The following UNC5A variants were observed in gnomAD, a reference collection of about 807,000 sequenced individuals.
UNC5A encodes unc-5 netrin receptor A.
UNC5A carries 20 observed loss-of-function variants against 87.4 expected under a neutral mutation model. That is an observed-to-expected ratio of 0.23 (90% CI 0.16 to 0.33). The LOEUF (loss-of-function observed/expected upper bound fraction) is 0.33. Among genes scored for constraint, UNC5A ranks in the 10% least tolerant of loss-of-function variants. The probability of loss-of-function intolerance (pLI) is 1.00; values close to 1 mark genes in which losing one functional copy is unlikely to be tolerated. For missense variants in UNC5A, 844 were observed against 1,133.4 expected (o/e 0.74, Z 3.67); for synonymous variants, 438 against 482.3 (o/e 0.91, Z 1.20).
Position 176,874,131 on chromosome 5 carries a change from C to T in UNC5A, c.1050C>T (p.Pro350=), listed in dbSNP as rs766132113. The change falls in exon 7 of 15, where the codon CCC becomes CCT. Residue 350 remains proline (P), a synonymous_variant. Transcript: ENST00000329542. The surrounding 1 kb of genome is among the most constrained non-coding windows in gnomAD (Gnocchi z 7.6). Reference sequence around the variant, plus strand: ...CCATTCTCACCTCAGGCTTCCAGCCCGTCAGCATCAAGCCCAGCAAAGCAG... The same window carrying T: ...CCATTCTCACCTCAGGCTTCCAGCCTGTCAGCATCAAGCCCAGCAAAGCAG... ...DSSILTSGFQ[P]VSIKPSKADN... 4.5e-5 allele frequency: 72 copies of T among 1,613,830 alleles called. No homozygotes were observed. The Admixed American group carries it at 4.5e-4, about 10-fold the overall frequency.
chr5:176,818,027 C>G (rs919733802), intron 1 of UNC5A, among the ~76,000 whole-genome samples: 2 of 152,014 alleles, frequency 1.3e-5, no homozygotes, highest in Admixed American at 6.5e-5. Context: ...GCTGCCGCCC[C>G]GGGAGCGGGC....
In UNC5A at chr5:176,844,127, C is replaced by T. The variant is rs562063568; in HGVS notation, c.71-18497C>T. On this transcript the variant is annotated intron_variant, in intron 1 of 14. Coordinates refer to ENST00000329542, the MANE Select transcript of UNC5A (RefSeq NM_133369.3). This position sits in a 1 kb window ranked among gnomAD's most constrained non-coding sequence, Gnocchi z 4.2. The stretch of plus-strand genomic sequence containing the variant: ...AACGAGTGGAGGGCTGGAGAGAGTT[C>T]AGCAAACGGGGCTTTTTGAATAAAA... Among the ~76,000 whole-genome samples the T allele has an allele frequency of 2.0e-5, 3 of 152,302 alleles. No homozygotes were observed. Among genetic ancestry groups the T allele is most frequent in the Admixed American group, 1.3e-4 (2 of 15,308 alleles).
chr5:176,868,003 TA>T (rs374478662), intron 2 of UNC5A, 126 bp from the exon 3 acceptor site: 17,208 of 557,826 alleles, frequency 0.031, no homozygotes, highest in Non-Finnish European at 0.034. Flanking sequence ...TAATAAAATT[TA>T]AAAAAAAAAA....
chr5:176,816,457 G>A (rs369555296), intron 1 of UNC5A, among the ~76,000 whole-genome samples: 70 of 152,360 alleles, frequency 4.6e-4, no homozygotes, highest in African/African-American at 8.9e-4. Context: ...TGTCAGGTGC[G>A]ACAGGCAGCT....
intron 6 of UNC5A, among the ~76,000 whole-genome samples, chr5:176,871,786 A>C (rs1703261): frequency 5.3e-3 from 213 of 40,220 alleles, no homozygotes; most frequent in African/African-American, 0.015. Flanking sequence ...CCACAGCTTC[A>C]CATCTGCCCA....
At chr5:176,821,049 A>G (rs1756714770) in intron 1 of UNC5A, among the ~76,000 whole-genome samples, 1 of 152,148 alleles carries the variant, frequency 6.6e-6, no homozygotes, top group South Asian at 2.1e-4. Context: ...CCTTATGATG[A>G]CTAGACTACA....
chr5:176,862,509 TG>T, intron 1 of UNC5A, 114 bp from the exon 2 acceptor site: 3 of 980,906 alleles, frequency 3.1e-6, no homozygotes, highest in Non-Finnish European at 4.7e-6. Context: ...TGGCAGAGCC[TG>T]GACTCACTCT....
At chr5:176,836,578 G>C (rs1038589761) in intron 1 of UNC5A, among the ~76,000 whole-genome samples, 4 of 151,952 alleles carry the variant, frequency 2.6e-5, no homozygotes, top group African/African-American at 9.7e-5. Context: ...AGCTGCCATA[G>C]AAAATCAGAC....
In UNC5A at chr5:176,854,874, G is replaced by A. The variant is rs562917309; in HGVS notation, c.71-7750G>A. Among the ~76,000 whole-genome samples, 81 of 152,366 alleles carry A rather than the reference G, an allele frequency of 5.3e-4. No individual in the cohort carries two copies. In the Middle Eastern group the frequency reaches 0.01, roughly 19 times the overall value. ...AATATGATATTCAAGGCACTGGGGT[G>A]ACTTCGGTAAGGGACTGTGGGAGCT... On this transcript the variant is annotated intron_variant, in intron 1 of 14. Transcript: ENST00000329542.
chr5:176,867,739 T>C (rs754968899), intron 2 of UNC5A, among the ~76,000 whole-genome samples: 1 of 152,162 alleles, frequency 6.6e-6, no homozygotes, highest in Non-Finnish European at 1.5e-5. Flanking sequence ...GGTGCAGAGC[T>C]CAGCCTGTCT....
At chr5:176,858,772 A>AGGCAGGCAGGC (rs1561659010) in intron 1 of UNC5A, among the ~76,000 whole-genome samples, 8 of 140,142 alleles carry the variant, frequency 5.7e-5, no homozygotes, top group African/African-American at 2.3e-4. Context: ...GGAAGGAAGG[A>AGGCAGGCAGGC]AGGCAAGCAA....
In UNC5A at chr5:176,879,402, T is replaced by A. The variant is rs1758357506; in HGVS notation, c.2277T>A (p.Ile759=). Residue 759 remains isoleucine, a synonymous_variant, in exon 14 of 15, where the codon ATT becomes ATA. Coordinates refer to ENST00000329542, the MANE Select transcript of UNC5A (RefSeq NM_133369.3). ...GPSAFKIPFL[I]RQKIISSLDP... The stretch of plus-strand genomic sequence containing the variant: ...GTGCCTTCAAGATCCCCTTCCTCAT[T>A]CGGCAGAAGATAATTTCCAGCCTGG... 6.2e-7 allele frequency: 1 copy of A among 1,612,824 alleles called. No individual in the cohort carries two copies.
chr5:176,844,897 C>T lies in UNC5A; in HGVS notation c.71-17727C>T, dbSNP rs138249044. 6.2e-4 allele frequency among the ~76,000 whole-genome samples: 95 copies of T among 152,276 alleles called. No homozygotes were observed. Among genetic ancestry groups the T allele is most frequent in the Middle Eastern group, 3.4e-3 (1 of 294 alleles). ...GTGCTCATGACAGACAGCAGCAGTT[C>T]CACACTTGGGTCTGCAGCAGGGTGG... On this transcript the variant is annotated intron_variant, in intron 1 of 14. Transcript: ENST00000329542. This position sits in a 1 kb window ranked among gnomAD's most constrained non-coding sequence, Gnocchi z 4.2.
chr5:176,843,677 T>C (rs1360166982), intron 1 of UNC5A, among the ~76,000 whole-genome samples: 1 of 152,272 alleles, frequency 6.6e-6, no homozygotes, highest in Non-Finnish European at 1.5e-5. Flanking sequence ...ACCATTATTA[T>C]TATCCACGGA....
At position 176,875,676 on chromosome 5, in the gene UNC5A, C is replaced by T. The variant is rs1050256685; in HGVS notation, c.1378+1110C>T. Among the ~76,000 whole-genome samples, 1 of 152,224 alleles carries T rather than the reference C, an allele frequency of 6.6e-6. No individual in the cohort carries two copies. Among genetic ancestry groups the T allele is most frequent in the Non-Finnish European group, 1.5e-5 (1 of 68,042 alleles). ...GGGCTCCCCTCTGCCCCCTGCAAAGCCCACATGATACCACAGAGAAGACCT... is the reference window on the plus strand; with the variant it reads ...GGGCTCCCCTCTGCCCCCTGCAAAGTCCACATGATACCACAGAGAAGACCT... On this transcript the variant is annotated intron_variant, in intron 8 of 14. Coordinates refer to ENST00000329542, the MANE Select transcript of UNC5A (RefSeq NM_133369.3). This position sits in a 1 kb window ranked among gnomAD's most constrained non-coding sequence, Gnocchi z 5.2.
rs1390426734 is a variant in UNC5A, at chr5:176,823,683, G to T, written c.70+12863G>T. ...GCACGATGAGAGCCTCCACAGGGGG[G>T]CTCTATGGGACAGTCAGGGAGACCC... On this transcript the variant is annotated intron_variant, in intron 1 of 14. Transcript: ENST00000329542. Among the ~76,000 whole-genome samples, 6 of 151,962 alleles carry T rather than the reference G, an allele frequency of 3.9e-5. No individual in the cohort carries two copies. In the East Asian group the frequency reaches 7.8e-4, roughly 20 times the overall value.
rs536831056 is a variant in UNC5A, at chr5:176,817,833, G to A, written c.70+7013G>A. On this transcript the variant is annotated intron_variant, in intron 1 of 14. Transcript: ENST00000329542. ...GGGCTGCGGGAGGCTCGCGCCCGGGGACGTCCAGGCCGGGGGTGGGTGCCG... is the reference window on the plus strand; with the variant it reads ...GGGCTGCGGGAGGCTCGCGCCCGGGAACGTCCAGGCCGGGGGTGGGTGCCG... 2.0e-4 allele frequency among the ~76,000 whole-genome samples: 31 copies of A among 152,014 alleles called. No homozygotes were observed. The East Asian group carries it at 5.6e-3, about 27-fold the overall frequency.
At position 176,874,221 on chromosome 5, in the gene UNC5A, G is replaced by T; in HGVS notation, c.1076-43G>T. ...CCACGCCAAGGGCTGCTGGGGCAGG[G>T]ATGCCCTAGGTGCCATTGCCTGAGT... is the stretch of plus-strand genomic sequence containing the variant. On this transcript the variant is annotated intron_variant, in intron 7 of 14. Coordinates refer to ENST00000329542, the MANE Select transcript of UNC5A (RefSeq NM_133369.3). This position sits in a 1 kb window ranked among gnomAD's most constrained non-coding sequence, Gnocchi z 7.6. The T allele has an allele frequency of 6.3e-7, 1 of 1,591,814 alleles. No homozygotes were observed. The highest frequency in any genetic ancestry group is 8.6e-7 in the Non-Finnish European group (1 of 1,166,520).
chr5:176,879,601 T>C, intron 14 of UNC5A, 113 bp downstream of exon 14: 1 of 1,541,516 alleles, frequency 6.5e-7, no homozygotes, highest in South Asian at 1.3e-5. Context: ...CATCTACTAG[T>C]GGCCGGGGCA....
Sources: allele counts gnomAD v4.1 joint callset (sites outside exome capture counted in the v4.1 genomes callset), GRCh38; gene constraint gnomAD v4.1.1; non-coding constraint Gnocchi (gnomAD v3.1); transcripts MANE v1.5; gene names NCBI Gene and HGNC (gene_info 2026-07-23, HGNC 2026-07-21).